The following SLC30A3 variants were observed in gnomAD, a reference collection of about 807,000 sequenced individuals.
The protein encoded by SLC30A3 is solute carrier family 30 member 3.
Under a neutral mutation model 35.6 loss-of-function variants are expected in SLC30A3, and 20 were observed. That is an observed-to-expected ratio of 0.56 (90% CI 0.39 to 0.82). The LOEUF is 0.82. Ranked by LOEUF, SLC30A3 falls within the 40% of genes least tolerant of loss-of-function variation. SLC30A3 has a pLI of 0.00. For missense variants in SLC30A3, 401 were observed against 530.6 expected (o/e 0.76, Z 2.40); for synonymous variants, 217 against 224.7 (o/e 0.97, Z 0.31).
Position 27,258,856 on chromosome 2 carries a change from G to T in SLC30A3, c.174C>A (p.Asp58Glu), listed in dbSNP as rs779125060. 5.6e-6 allele frequency: 9 copies of T among 1,614,156 alleles called. No homozygotes were observed. In the East Asian group the frequency reaches 1.8e-4, roughly 32 times the overall value. The change falls in exon 2 of 8, where the codon GAC becomes GAA. Residue 58 changes from aspartate (D) to glutamate (E), a missense_variant. Physicochemically the swap from Asp to Glu is conservative, Grantham distance 45. Coordinates refer to ENST00000233535, the MANE Select transcript of SLC30A3 (RefSeq NM_003459.5). The surrounding 1 kb of genome is among the most constrained non-coding windows in gnomAD (Gnocchi z 4.0). ...VEMPFHHCHRDPLPPPGLTPE... is the reference protein window; with the variant it reads ...VEMPFHHCHREPLPPPGLTPE... Reference sequence around the variant, plus strand: ...GGGTAAGGCCCGGCGGCGGAAGGGGGTCCCTGTGGCAGTGGTGGAAGGGCA... The same window carrying T: ...GGGTAAGGCCCGGCGGCGGAAGGGGTTCCCTGTGGCAGTGGTGGAAGGGCA...
In SLC30A3 at chr2:27,258,963, G is replaced by A; in HGVS notation, c.96-29C>T. The A allele has an allele frequency of 6.5e-7, 1 of 1,548,384 alleles. No homozygotes were observed. ...AGGCAAGCAACATGGTTCAACCTGG[G>A]CCTGGCCCACAGGCTGGCCTGCTCA... On this transcript the variant is annotated intron_variant, in intron 1 of 7. Coordinates refer to ENST00000233535, the MANE Select transcript of SLC30A3 (RefSeq NM_003459.5). This position sits in a 1 kb window ranked among gnomAD's most constrained non-coding sequence, Gnocchi z 4.0.
chr2:27,263,471 G>A, upstream of SLC30A3: 2 of 358,794 alleles, frequency 5.6e-6, no homozygotes, highest in South Asian at 2.1e-5. Flanking sequence ...TATCTCCAGA[G>A]AACCAGAAAG....
At chr2:27,261,715 CG>C (rs1306438132) in intron 1 of SLC30A3, among the ~76,000 whole-genome samples, 1 of 151,948 alleles carries the variant, frequency 6.6e-6, no homozygotes, top group African/African-American at 2.4e-5. Flanking sequence ...CGATATTGAG[CG>C]GGGAAGAGGG....
chr2:27,257,022 TG>T lies in SLC30A3; in HGVS notation c.778-130del. On this transcript the variant is annotated intron_variant, in intron 5 of 7. Coordinates refer to ENST00000233535, the MANE Select transcript of SLC30A3 (RefSeq NM_003459.5). This position sits in a 1 kb window ranked among gnomAD's most constrained non-coding sequence, Gnocchi z 4.7. ...AAGAGGGGACAGGGAACATGACTCA[TG>T]TCTGGGAGAGTCCTGGGAGGTGGGA... is the stretch of plus-strand genomic sequence containing the variant. 1.1e-5 allele frequency: 13 copies of T among 1,146,236 alleles called. No homozygotes were observed. Among genetic ancestry groups the T allele is most frequent in the Non-Finnish European group, 1.6e-5 (12 of 768,362 alleles). 71.0% of individuals were successfully genotyped at this position (1,146,236 alleles called of 1,614,324 possible).
At chr2:27,259,074 G>A in intron 1 of SLC30A3, 140 bp from the exon 2 acceptor site, 2 of 648,578 alleles carry the variant, frequency 3.1e-6, no homozygotes, top group Non-Finnish European at 5.3e-6. Flanking sequence ...CATCGGCAGA[G>A]GGCCACATGA....
chr2:27,257,957 C>T lies in SLC30A3; in HGVS notation c.526G>A (p.Glu176Lys). Residue 176 changes from glutamate to lysine, a missense_variant, in exon 4 of 8, where the codon GAG (glutamate) becomes AAG (lysine). Glu to Lys is a moderately conservative substitution (Grantham distance 56, BLOSUM62 1). Transcript: ENST00000233535. This position sits in a 1 kb window ranked among gnomAD's most constrained non-coding sequence, Gnocchi z 4.7. ...GCGGTCAGCAGCATGGCACCCCCCT[C>T]GATGTGGTAGTCGCTGTGCAGCAGG... is the stretch of plus-strand genomic sequence containing the variant. ...VRLLHSDYHI[E>K]GGAMLLTASI... 4 of 1,614,176 alleles carry T rather than the reference C, an allele frequency of 2.5e-6. No individual in the cohort carries two copies. The highest frequency in any genetic ancestry group is 1.1e-5 in the South Asian group (1 of 91,084).
Position 27,255,028 on chromosome 2 carries a change from C to T in SLC30A3, c.*284G>A. The T allele has an allele frequency of 4.5e-6, 6 of 1,329,110 alleles. No homozygotes were observed. Among genetic ancestry groups the T allele is most frequent in the Non-Finnish European group, 5.9e-6 (6 of 1,016,876 alleles). The allele number at this position is 1,329,110 out of a possible 1,614,324, so 82.3% of individuals were successfully genotyped here. On this transcript the variant is annotated 3_prime_UTR_variant, in exon 8 of 8. Coordinates refer to ENST00000233535, the MANE Select transcript of SLC30A3 (RefSeq NM_003459.5). This position sits in a 1 kb window ranked among gnomAD's most constrained non-coding sequence, Gnocchi z 5.2. Reference sequence around the variant, plus strand: ...CTCCACATGAACCATGGGGAGATGGCACCACAGGCCTTCAACACACCCTGC... The same window carrying T: ...CTCCACATGAACCATGGGGAGATGGTACCACAGGCCTTCAACACACCCTGC...
Position 27,258,164 on chromosome 2 carries a change from A to G in SLC30A3, c.421T>C (p.Ser141Pro). 1 of 1,595,318 alleles carries G rather than the reference A, an allele frequency of 6.3e-7. No homozygotes were observed. The highest frequency in any genetic ancestry group is 8.6e-7 in the Non-Finnish European group (1 of 1,168,040). Reference protein sequence around the residue: ...TRTMTFGWHRSETLGALASVV... With the variant: ...TRTMTFGWHRPETLGALASVV... Reference sequence around the variant, plus strand: ...CTGGGCCATGCAGGGGCCTTACCTGAACGGTGCCAGCCAAAGGTCATGGTG... The same window carrying G: ...CTGGGCCATGCAGGGGCCTTACCTGGACGGTGCCAGCCAAAGGTCATGGTG... Residue 141 changes from serine to proline, a missense_variant, in exon 3 of 8, where the codon TCA becomes CCA. Coordinates refer to ENST00000233535, the MANE Select transcript of SLC30A3 (RefSeq NM_003459.5). The surrounding 1 kb of genome is among the most constrained non-coding windows in gnomAD (Gnocchi z 4.0).
intron 1 of SLC30A3, among the ~76,000 whole-genome samples, chr2:27,268,163 TCTGTA>T (rs1366681962): frequency 1.3e-5 from 2 of 152,182 alleles, no homozygotes; most frequent in Non-Finnish European, 2.9e-5. Flanking sequence ...GGGATACTGT[TCTGTA>T]CTGTACAGTA....
In SLC30A3 at chr2:27,262,947, G is replaced by A. The variant is rs1476147756; in HGVS notation, c.-41C>T. On this transcript the variant is annotated 5_prime_UTR_variant, in exon 1 of 8. Transcript: ENST00000233535. The surrounding 1 kb of genome is among the most constrained non-coding windows in gnomAD (Gnocchi z 7.5). ...ACCGTCTAGGCCCCACCGAGGAAGA[G>A]AGAGGCCGGGCCGGCCCCGCGCCAA... The A allele has an allele frequency of 6.7e-7, 1 of 1,490,784 alleles. No individual in the cohort carries two copies. The highest frequency in any genetic ancestry group is 8.8e-7 in the Non-Finnish European group (1 of 1,131,274). 92.3% of individuals were successfully genotyped at this position (1,490,784 alleles called of 1,614,324 possible).
At chr2:27,268,631 TG>T (rs923773930) in intron 1 of SLC30A3, among the ~76,000 whole-genome samples, 3 of 151,802 alleles carry the variant, frequency 2.0e-5, no homozygotes, top group Non-Finnish European at 4.4e-5. Flanking sequence ...CGGGCGCCTG[TG>T]GTCCCAGCTC....
In SLC30A3 at chr2:27,255,452, C is replaced by T. The variant is rs574793604; in HGVS notation, c.1027G>A (p.Ala343Thr). ...ASAHLAIDST[A>T]DPEAVLAEAS... ...TCAGCCAGGACGGCTTCAGGGTCAGCGGTGGAGTCTGTGGGAGAGTGATAA... is the reference window on the plus strand; with the variant it reads ...TCAGCCAGGACGGCTTCAGGGTCAGTGGTGGAGTCTGTGGGAGAGTGATAA... Residue 343 changes from alanine (A) to threonine (T), a missense_variant, in exon 8 of 8, where the codon GCT becomes ACT. Physicochemically the swap from Ala to Thr is moderately conservative, Grantham distance 58. Coordinates refer to ENST00000233535, the MANE Select transcript of SLC30A3 (RefSeq NM_003459.5). The surrounding 1 kb of genome is among the most constrained non-coding windows in gnomAD (Gnocchi z 5.2). 14 of 1,613,110 alleles carry T rather than the reference C, an allele frequency of 8.7e-6. No individual in the cohort carries two copies. Among genetic ancestry groups the T allele is most frequent in the African/African-American group, 1.3e-5 (1 of 74,968 alleles).
At chr2:27,265,662 A>T (rs1302576291), upstream of SLC30A3, among the ~76,000 whole-genome samples, 1 of 152,110 alleles carries the variant, frequency 6.6e-6, no homozygotes, top group Admixed American at 6.5e-5. This position sits in a 1 kb window ranked among gnomAD's most constrained non-coding sequence, Gnocchi z 5.9. Context: ...GCCTTTCCTG[A>T]CTTCTCCCAG....
At chr2:27,256,733 C>G in intron 6 of SLC30A3, 55 bp downstream of exon 6, 1 of 1,386,912 alleles carries the variant, frequency 7.2e-7, no homozygotes, top group Non-Finnish European at 1.0e-6. Context: ...TGGCCCACTG[C>G]GAGAGTAAAG....
In SLC30A3 at chr2:27,255,575, C is replaced by A; in HGVS notation, c.1019-115G>T. On this transcript the variant is annotated intron_variant, in intron 7 of 7. Transcript: ENST00000233535. The surrounding 1 kb of genome is among the most constrained non-coding windows in gnomAD (Gnocchi z 5.2). ...CATTAAAGCCAGGCGTGAATGGAAG[C>A]CTGCTTTTCTTTCTGTATTGTATGA... The A allele has an allele frequency of 5.3e-6, 6 of 1,140,998 alleles. No homozygotes were observed. Among genetic ancestry groups the A allele is most frequent in the Non-Finnish European group, 7.6e-6 (6 of 793,718 alleles). The allele number at this position is 1,140,998 out of a possible 1,614,324, so 70.7% of individuals were successfully genotyped here.
rs770965952 is a variant in SLC30A3 at position 27,255,213 on chromosome 2, T to C, written c.*99A>G. ...GGTAGGAGGGAGAGAGGAAGGGGTATGGACCTGGCTCGGTCCCGTCTCTGT... is the reference window on the plus strand; with the variant it reads ...GGTAGGAGGGAGAGAGGAAGGGGTACGGACCTGGCTCGGTCCCGTCTCTGT... On this transcript the variant is annotated 3_prime_UTR_variant, in exon 8 of 8. Transcript: ENST00000233535. The surrounding 1 kb of genome is among the most constrained non-coding windows in gnomAD (Gnocchi z 5.2). 2.2e-5 allele frequency: 36 copies of C among 1,605,426 alleles called. No individual in the cohort carries two copies. Among genetic ancestry groups the C allele is most frequent in the Non-Finnish European group, 2.9e-5 (34 of 1,178,064 alleles).
chr2:27,274,388 A>C (rs371332680), intron 1 of SLC30A3, among the ~76,000 whole-genome samples: 1 of 152,222 alleles, frequency 6.6e-6, no homozygotes, highest in East Asian at 1.9e-4. Context: ...AATAACTGTA[A>C]TAAAAGGAAG....
At chr2:27,264,506 C>T (rs1677396926), upstream of SLC30A3, among the ~76,000 whole-genome samples, 1 of 152,162 alleles carries the variant, frequency 6.6e-6, no homozygotes, top group African/African-American at 2.4e-5. This position sits in a 1 kb window ranked among gnomAD's most constrained non-coding sequence, Gnocchi z 6.1. Flanking sequence ...TGGCTTGGCC[C>T]GTGCCAAGGT....
chr2:27,265,978 C>T (rs1248668398), upstream of SLC30A3, among the ~76,000 whole-genome samples: 1 of 151,902 alleles, frequency 6.6e-6, no homozygotes. The surrounding 1 kb of genome is among the most constrained non-coding windows in gnomAD (Gnocchi z 5.9). Context: ...GTCACTGCCT[C>T]GGGGAGGCCT....
Sources: allele counts gnomAD v4.1 joint callset (sites outside exome capture counted in the v4.1 genomes callset), GRCh38; gene constraint gnomAD v4.1.1; non-coding constraint Gnocchi (gnomAD v3.1); transcripts MANE v1.5; gene names NCBI Gene and HGNC (gene_info 2026-07-23, HGNC 2026-07-21).